The following CCDC169 variants were observed in gnomAD, a reference collection of about 807,000 sequenced individuals.
CCDC169 encodes the protein coiled-coil domain containing 169, also known as coiled-coil domain-containing protein 169.
A neutral mutation model predicts 36.0 loss-of-function variants in CCDC169; 30 were observed. The ratio of observed to expected loss-of-function variants is 0.83; its 90% confidence interval spans 0.62 to 1.13. CCDC169 has a LOEUF of 1.13. Ranked by LOEUF, CCDC169 falls within the 50% of genes most tolerant of loss-of-function variation. The probability of loss-of-function intolerance (pLI) is 0.00; values close to 1 mark genes in which losing one functional copy is unlikely to be tolerated. For synonymous variants in CCDC169, 85 were observed against 81.5 expected (o/e 1.04, Z -0.23); for missense variants, 245 against 245.9 (o/e 1.00, Z 0.03).
At chr13:36,280,659 T>C (rs1027137069) in intron 4 of CCDC169, 29 of 152,232 alleles carry the variant, frequency 1.9e-4, no homozygotes, top group African/African-American at 6.8e-4. Context: ...TTGGTTGTTC[T>C]TTTTAATCAA....
intron 4 of CCDC169, among the ~76,000 whole-genome samples, chr13:36,261,471 C>T (rs1033580785): frequency 1.3e-5 from 2 of 152,214 alleles, no homozygotes; most frequent in Non-Finnish European, 1.5e-5. Flanking sequence ...ACCTTTCCTA[C>T]CACAGTGCCT....
At chr13:36,237,096 A>AT (rs1455870439) in intron 7 of CCDC169, among the ~76,000 whole-genome samples, 1 of 151,130 alleles carries the variant, frequency 6.6e-6, no homozygotes, top group African/African-American at 2.4e-5. Flanking sequence ...ATTTTCCCCA[A>AT]TTTTTTTTGA....
chr13:36,285,486 G>T (rs1166928293), intron 2 of CCDC169, among the ~76,000 whole-genome samples: 1 of 152,010 alleles, frequency 6.6e-6, no homozygotes, highest in Non-Finnish European at 1.5e-5. Flanking sequence ...GGAGGCAGAG[G>T]TTGCAGTGAG....
intron 4 of CCDC169, among the ~76,000 whole-genome samples, chr13:36,278,939 T>A (rs1877174964): frequency 6.6e-6 from 1 of 152,228 alleles, no homozygotes; most frequent in Admixed American, 6.5e-5. Flanking sequence ...ATTTCTATTA[T>A]CCTGTTCATT....
chr13:36,243,016 T>C (rs1242001391), intron 7 of CCDC169, among the ~76,000 whole-genome samples: 2 of 152,240 alleles, frequency 1.3e-5, no homozygotes, highest in African/African-American at 2.4e-5. Flanking sequence ...AAGGACATGA[T>C]AAACAGAAGT....
intron 2 of CCDC169, among the ~76,000 whole-genome samples, chr13:36,293,522 G>T (rs1879146433): frequency 6.6e-6 from 1 of 152,124 alleles, no homozygotes; most frequent in African/African-American, 2.4e-5. Context: ...GAATACAGTG[G>T]ATATACCCCT....
At position 36,283,547 on chromosome 13, in the gene CCDC169, A is replaced by C. The variant is rs1383247706; in HGVS notation, c.275-38T>G. 11 of 1,550,650 alleles carry C rather than the reference A, an allele frequency of 7.1e-6. No individual in the cohort carries two copies. In the Admixed American group the frequency reaches 7.9e-5, roughly 11 times the overall value. Reference sequence around the variant, plus strand: ...AAATATGAGCACTTAATGTTTTATCAGTTTTAACTCAAATTATAAAATGTA... The same window carrying C: ...AAATATGAGCACTTAATGTTTTATCCGTTTTAACTCAAATTATAAAATGTA... On this transcript the variant is annotated intron_variant, in intron 3 of 7. Transcript: ENST00000239859.
intron 2 of CCDC169, 115 bp from the exon 3 acceptor site, chr13:36,283,817 T>C (rs1877839211): frequency 3.9e-6 from 3 of 769,204 alleles, no homozygotes; most frequent in Non-Finnish European, 6.2e-6. Flanking sequence ...TTATTGGCAA[T>C]ACAGATCAAC....
rs567953923 is a variant in CCDC169, at chr13:36,259,338, C to T, written c.316-5195G>A. ...GCGCTTCTTGGTTTCCCATTGTTACCGGATGGAAAGTCTTGACTGCCAGTT... is the reference window on the plus strand; with the variant it reads ...GCGCTTCTTGGTTTCCCATTGTTACTGGATGGAAAGTCTTGACTGCCAGTT... On this transcript the variant is annotated intron_variant, in intron 4 of 7. Coordinates refer to ENST00000239859, the MANE Select transcript of CCDC169 (RefSeq NM_001144981.3). Among the ~76,000 whole-genome samples, 8 of 152,250 alleles carry T rather than the reference C, an allele frequency of 5.3e-5. No homozygotes were observed. The East Asian group carries it at 5.8e-4, about 11-fold the overall frequency.
At chr13:36,223,271 C>T (rs1869706368), downstream of CCDC169, 1 of 152,148 alleles carries the variant, frequency 6.6e-6, no homozygotes, top group South Asian at 2.1e-4. Context: ...GGCACACTGA[C>T]AGCAATCAAA....
chr13:36,293,656 A>G (rs1879161739), intron 2 of CCDC169, among the ~76,000 whole-genome samples: 1 of 152,152 alleles, frequency 6.6e-6, no homozygotes, highest in South Asian at 2.1e-4. Flanking sequence ...AAAAAGGTAC[A>G]AGAGGCATTT....
chr13:36,233,889 G>A (rs1870745329), intron 7 of CCDC169, among the ~76,000 whole-genome samples: 1 of 152,176 alleles, frequency 6.6e-6, no homozygotes, highest in Non-Finnish European at 1.5e-5. Context: ...TGTCTTAAGT[G>A]GGAAAGTTTG....
chr13:36,234,145 CA>C (rs1870783170), intron 7 of CCDC169, among the ~76,000 whole-genome samples: 1 of 152,146 alleles, frequency 6.6e-6, no homozygotes, highest in Admixed American at 6.5e-5. Context: ...TCTGTAACCT[CA>C]AAATGGTATA....
Position 36,283,662 on chromosome 13 carries a change from T to G in CCDC169, c.204A>C (p.Leu68Phe), listed in dbSNP as rs1157795505. ...WKTRYETQLE[L>F]NDELEKQIVY... ...CAATTTGCTTTTCTAGTTCATCATTTAATTCAAGTTGTGTCTCATAACGGG... is the reference window on the plus strand; with the variant it reads ...CAATTTGCTTTTCTAGTTCATCATTGAATTCAAGTTGTGTCTCATAACGGG... Residue 68 changes from leucine to phenylalanine, a missense_variant, in exon 3 of 8, where the codon TTA becomes TTC. Leu to Phe is a conservative substitution (Grantham distance 22). Transcript: ENST00000239859. The G allele has an allele frequency of 6.4e-7, 1 of 1,551,298 alleles. No homozygotes were observed. The highest frequency in any genetic ancestry group is 1.4e-5 in the African/African-American group (1 of 73,176).
At position 36,283,699 on chromosome 13, in the gene CCDC169, C is replaced by A. The variant is rs762711678; in HGVS notation, c.167G>T (p.Ser56Ile). 6.5e-7 allele frequency: 1 copy of A among 1,549,194 alleles called. No homozygotes were observed. Among genetic ancestry groups the A allele is most frequent in the Non-Finnish European group, 8.7e-7 (1 of 1,145,766 alleles). ...EAKLNTDNEG[S>I]EWKTRYETQL... ...TGTCTCATAACGGGTTTTCCATTCA[C>A]TACCTGAGTAAAAACAGGGAGAAAC... is the stretch of plus-strand genomic sequence containing the variant. Residue 56 changes from serine to isoleucine, a missense_variant, in exon 3 of 8, where the codon AGT becomes ATT. Coordinates refer to ENST00000239859, the MANE Select transcript of CCDC169 (RefSeq NM_001144981.3).
intron 4 of CCDC169, 119 bp downstream of exon 4, chr13:36,283,350 A>G: frequency 1.0e-6 from 1 of 960,026 alleles, no homozygotes; most frequent in Non-Finnish European, 1.5e-6. Flanking sequence ...AGATCCCTTG[A>G]ACAAAACAGT....
Position 36,295,849 on chromosome 13 carries a change from A to C in CCDC169, c.92T>G (p.Val31Gly), listed in dbSNP as rs1879414437. The C allele has an allele frequency of 6.5e-7, 1 of 1,528,486 alleles. No homozygotes were observed. The highest frequency in any genetic ancestry group is 1.4e-5 in the African/African-American group (1 of 72,450). The allele number at this position is 1,528,486 out of a possible 1,614,324, so 94.7% of individuals were successfully genotyped here. The stretch of plus-strand genomic sequence containing the variant: ...TCTTAGTTCAAATATTGAGAGTTGC[A>C]CTGCATCCCTGTTATTTAAAATATT... ...LLEEVRKKDA[V>G]QLSIFELRHK... is the part of the protein sequence containing the mutation. The change falls in exon 2 of 8, where the codon GTG (valine) becomes GGG (glycine). Residue 31 changes from valine to glycine, a missense_variant. By Grantham distance (109) the Val-to-Gly change is moderately radical. Transcript: ENST00000239859.
intron 7 of CCDC169, among the ~76,000 whole-genome samples, chr13:36,246,748 T>C (rs1404531972): frequency 1.3e-5 from 2 of 152,192 alleles, no homozygotes; most frequent in Admixed American, 1.3e-4. Context: ...AGATTTTCAA[T>C]GTACACAAAA....
intron 2 of CCDC169, among the ~76,000 whole-genome samples, chr13:36,285,251 C>T (rs1299944644): frequency 1.3e-5 from 2 of 152,018 alleles, no homozygotes; most frequent in African/African-American, 4.8e-5. Context: ...ATTTAATTAT[C>T]AAATATAGAC....
Sources: allele counts gnomAD v4.1 joint callset (sites outside exome capture counted in the v4.1 genomes callset), GRCh38; gene constraint gnomAD v4.1.1; transcripts MANE v1.5; gene names NCBI Gene and HGNC (gene_info 2026-07-23, HGNC 2026-07-21).